LINGO1: variants seen among roughly 807,000 people sequenced by gnomAD.
The protein encoded by LINGO1 is leucine rich repeat and Ig domain containing 1.
LINGO1 carries 11 observed loss-of-function variants against 37.3 expected under a neutral mutation model. The observed-to-expected ratio is 0.29, with a 90% confidence interval of 0.19 to 0.49. LINGO1 has a LOEUF of 0.49. Among genes scored for constraint, LINGO1 ranks in the 20% least tolerant of loss-of-function variants. The probability of loss-of-function intolerance (pLI) is 0.99; values close to 1 mark genes in which losing one functional copy is unlikely to be tolerated. For missense variants in LINGO1, 585 were observed against 878.2 expected (o/e 0.67, Z 4.22); for synonymous variants, 387 against 403.0 (o/e 0.96, Z 0.48).
chr15:77,697,452 C>T (rs777540729), upstream of LINGO1, among the ~76,000 whole-genome samples: 4 of 152,146 alleles, frequency 2.6e-5, no homozygotes, highest in Non-Finnish European at 5.9e-5. Context: ...GTAGGACACA[C>T]AGAAAGGAGG....
chr15:77,766,854 C>G (rs2141394026), intron 1 of LINGO1, among the ~76,000 whole-genome samples: 1 of 152,040 alleles, frequency 6.6e-6, no homozygotes, highest in South Asian at 2.1e-4. Flanking sequence ...AAGAAAGAAG[C>G]TTTGAAATGT....
chr15:77,635,103 T>C (rs993220498), upstream of LINGO1, among the ~76,000 whole-genome samples: 1 of 152,106 alleles, frequency 6.6e-6, no homozygotes, highest in African/African-American at 2.4e-5. Context: ...GGGTGGGGTA[T>C]TTTGGTGCCC....
chr15:77,695,705 C>T (rs1208167378), intron 1 of LINGO1, among the ~76,000 whole-genome samples: 1 of 152,128 alleles, frequency 6.6e-6, no homozygotes, highest in African/African-American at 2.4e-5. Flanking sequence ...CCTGCCCCAG[C>T]CTGGCTGGAG....
intron 1 of LINGO1, among the ~76,000 whole-genome samples, chr15:77,810,516 G>A (rs2076997425): frequency 6.6e-6 from 1 of 152,170 alleles, no homozygotes; most frequent in South Asian, 2.1e-4. Context: ...GGTCCTGAAT[G>A]ACAAGCCCAT....
chr15:77,719,149 G>A (rs1033264749), intron 2 of LINGO1, among the ~76,000 whole-genome samples: 1 of 149,832 alleles, frequency 6.7e-6, no homozygotes, highest in Admixed American at 6.7e-5. Context: ...CTCCCTCCCA[G>A]GGGCACCTCC....
At chr15:77,770,743 C>T (rs2076577229) in intron 1 of LINGO1, among the ~76,000 whole-genome samples, 1 of 152,130 alleles carries the variant, frequency 6.6e-6, no homozygotes, top group South Asian at 2.1e-4. Flanking sequence ...CTCACTTCAG[C>T]AGGAATCGAC....
intron 2 of LINGO1, among the ~76,000 whole-genome samples, chr15:77,705,337 T>C (rs1049759523): frequency 1.3e-5 from 2 of 152,072 alleles, no homozygotes; most frequent in Admixed American, 1.3e-4. Flanking sequence ...GAAGGTGGGA[T>C]TCCTGGAATG....
intron 1 of LINGO1, among the ~76,000 whole-genome samples, chr15:77,813,704 C>A (rs990705520): frequency 6.6e-6 from 1 of 152,186 alleles, no homozygotes; most frequent in Non-Finnish European, 1.5e-5. Flanking sequence ...CGTGAAATAG[C>A]ATGTTTTTAT....
intron 2 of LINGO1, among the ~76,000 whole-genome samples, chr15:77,689,469 A>G (rs530241287): frequency 2.0e-5 from 3 of 152,228 alleles, no homozygotes; most frequent in South Asian, 2.1e-4. Context: ...CTGCAGCTCA[A>G]TGCTCCCCCT....
intron 2 of LINGO1, among the ~76,000 whole-genome samples, chr15:77,704,820 A>G (rs1181597732): frequency 1.3e-5 from 2 of 151,970 alleles, no homozygotes; most frequent in African/African-American, 4.8e-5. Context: ...CCCTGCATAC[A>G]TACTGAGCCC....
In LINGO1 at chr15:77,632,381, A is replaced by G; in HGVS notation, c.-66T>C. 3.7e-6 allele frequency: 5 copies of G among 1,351,580 alleles called. No homozygotes were observed. Among genetic ancestry groups the G allele is most frequent in the Non-Finnish European group, 4.8e-6 (5 of 1,047,238 alleles). 83.7% of individuals were successfully genotyped at this position (1,351,580 alleles called of 1,614,324 possible). A position where few individuals can be genotyped will look rare whatever the true frequency, so the allele number is the denominator to read the frequency against. On this transcript the variant is annotated 5_prime_UTR_variant, in exon 1 of 2. Transcript: ENST00000355300. This position sits in a 1 kb window ranked among gnomAD's most constrained non-coding sequence, Gnocchi z 6.0. The stretch of plus-strand genomic sequence containing the variant: ...GCATGTCTCTCCAGCCGGCCCGACC[A>G]GGCCCCAGCCCCTGCCCAGCCCCCT...
chr15:77,670,884 TC>T (rs2075236076), intron 3 of LINGO1, among the ~76,000 whole-genome samples: 1 of 152,152 alleles, frequency 6.6e-6, no homozygotes, highest in African/African-American at 2.4e-5. Flanking sequence ...ACCTGCTGGA[TC>T]TGGCCTCAAT....
chr15:77,657,945 A>G (rs758557593), intron 3 of LINGO1, among the ~76,000 whole-genome samples: 27 of 152,248 alleles, frequency 1.8e-4, no homozygotes, highest in Non-Finnish European at 3.8e-4. Flanking sequence ...AAAACCGCAC[A>G]CACACACAAA....
intron 3 of LINGO1, chr15:77,647,767 C>A: frequency 2.3e-6 from 1 of 435,312 alleles, no homozygotes; most frequent in Admixed American, 2.5e-5. Context: ...TTTGCCCTTC[C>A]CTCTCACCCC....
intron 1 of LINGO1, among the ~76,000 whole-genome samples, chr15:77,766,857 T>C (rs1217316790): frequency 6.6e-6 from 1 of 152,134 alleles, no homozygotes; most frequent in East Asian, 1.9e-4. Context: ...AAAGAAGCTT[T>C]GAAATGTAAT....
intron 3 of LINGO1, among the ~76,000 whole-genome samples, chr15:77,652,483 AGTGTGTGTGTGTGTGTGT>A (rs773433884): frequency 1.9e-4 from 25 of 128,960 alleles, no homozygotes; most frequent in East Asian, 7.1e-4. Context: ...GGGGAGGGAG[AGTGTGTGTGTGTGTGTGT>A]GTGTGTGTGT....
At chr15:77,804,337 G>A (rs1437734615) in intron 1 of LINGO1, among the ~76,000 whole-genome samples, 1 of 152,218 alleles carries the variant, frequency 6.6e-6, no homozygotes, top group Non-Finnish European at 1.5e-5. Flanking sequence ...AGAGAGTGCT[G>A]AGGGGAGGGA....
intron 1 of LINGO1, among the ~76,000 whole-genome samples, chr15:77,764,012 G>C (rs1295199311): frequency 6.6e-6 from 1 of 152,214 alleles, no homozygotes; most frequent in African/African-American, 2.4e-5. Flanking sequence ...CATGGCGGGA[G>C]GCCTCAGTTC....
chr15:77,648,000 C>G (rs1476534282), intron 3 of LINGO1: 1 of 448,930 alleles, frequency 2.2e-6, no homozygotes, highest in African/African-American at 2.0e-5. Context: ...TTTCCTCCCT[C>G]TCTCTGGGCT....
Sources: gnomAD v4.1 joint callset for allele counts (sites outside exome capture counted in the v4.1 genomes callset) on GRCh38, gnomAD v4.1.1 for gene constraint, Gnocchi (gnomAD v3.1) non-coding constraint, MANE v1.5 for transcripts, NCBI Gene and HGNC (gene_info 2026-07-23, HGNC 2026-07-21) for gene names.